Variants in NYNRIN observed in about 807,000 individuals in gnomAD.
NYNRIN encodes the protein NYN domain and retroviral integrase containing.
In NYNRIN, 86 loss-of-function variants were observed where a neutral mutation model predicts 146.6. That is an observed-to-expected ratio of 0.59 (90% CI 0.49 to 0.70). The LOEUF (loss-of-function observed/expected upper bound fraction) is 0.70, where lower values mean the gene tolerates loss of function less well. Ranked by LOEUF, NYNRIN falls within the 30% of genes least tolerant of loss-of-function variation. NYNRIN has a pLI of 0.00. For missense variants in NYNRIN, 2,191 were observed against 2,377.7 expected (o/e 0.92, Z 1.63); for synonymous variants, 1,027 against 1,001.3 (o/e 1.03, Z -0.48).
At position 24,415,039 on chromosome 14, in the gene NYNRIN, T is replaced by A; in HGVS notation, c.3290T>A (p.Phe1097Tyr). The change falls in exon 9 of 9, where the codon TTC becomes TAC. Residue 1097 changes from phenylalanine (F) to tyrosine (Y), a missense_variant. Coordinates refer to ENST00000382554, the MANE Select transcript of NYNRIN (RefSeq NM_025081.3). ...IPSNFTALSF[F>Y]MGFMDSHRDA... Reference sequence around the variant, plus strand: ...AGCAACTTCACCGCACTCTCCTTCTTCATGGGCTTCATGGACTCCCACAGG... The same window carrying A: ...AGCAACTTCACCGCACTCTCCTTCTACATGGGCTTCATGGACTCCCACAGG... 1 of 1,611,948 alleles carries A rather than the reference T, an allele frequency of 6.2e-7. No homozygotes were observed. The highest frequency in any genetic ancestry group is 8.5e-7 in the Non-Finnish European group (1 of 1,178,660).
chr14:24,417,768 A>T lies in NYNRIN; in HGVS notation c.*322A>T, dbSNP rs2042958680. 3.7e-6 allele frequency: 1 copy of T among 273,406 alleles called. No homozygotes were observed. Among genetic ancestry groups the T allele is most frequent in the African/African-American group, 2.2e-5 (1 of 45,314 alleles). The allele number at this position is 273,406 out of a possible 1,614,324, so 16.9% of individuals were successfully genotyped here. On this transcript the variant is annotated 3_prime_UTR_variant, in exon 9 of 9. Transcript: ENST00000382554. ...CCCAAGTATCCTCTTTCCCCTTCAC[A>T]TGTAGGTGTGTGGTGGTGTGCACAC...
At chr14:24,400,544 C>T (rs1016606636) in intron 2 of NYNRIN, among the ~76,000 whole-genome samples, 1 of 152,144 alleles carries the variant, frequency 6.6e-6, no homozygotes, top group African/African-American at 2.4e-5. Context: ...GAAGTTCCTC[C>T]CTCAACCCCT....
chr14:24,410,060 C>G lies in NYNRIN; in HGVS notation c.2266C>G (p.Pro756Ala). The G allele has an allele frequency of 1.2e-6, 2 of 1,613,944 alleles. No individual in the cohort carries two copies. Among genetic ancestry groups the G allele is most frequent in the South Asian group, 1.1e-5 (1 of 91,086 alleles). The change falls in exon 4 of 9, where the codon CCT becomes GCT. Residue 756 changes from proline (P) to alanine (A), a missense_variant. Transcript: ENST00000382554. Reference protein sequence around the residue: ...GAWEGAPRQPPRHLQANSTVT... With the variant: ...GAWEGAPRQPARHLQANSTVT... ...TTGGGAGGGGGCCCCAAGGCAGCCA[C>G]CTCGCCACCTGCAAGCGAACAGCAC...
Position 24,417,851 on chromosome 14 carries a change from G to T in NYNRIN, c.*405G>T. The T allele has an allele frequency of 5.0e-6, 1 of 198,866 alleles. No homozygotes were observed. The highest frequency in any genetic ancestry group is 1.0e-5 in the Non-Finnish European group (1 of 97,000). The allele number at this position is 198,866 out of a possible 1,614,324, so 12.3% of individuals were successfully genotyped here. A position where few individuals can be genotyped will look rare whatever the true frequency, so the allele number is the denominator to read the frequency against. Reference sequence around the variant, plus strand: ...ACTGTGGCTGTTGACCTTGGAATTGGAACCACAGTCCTTTCCCATACAGAA... The same window carrying T: ...ACTGTGGCTGTTGACCTTGGAATTGTAACCACAGTCCTTTCCCATACAGAA... On this transcript the variant is annotated 3_prime_UTR_variant, in exon 9 of 9. Coordinates refer to ENST00000382554, the MANE Select transcript of NYNRIN (RefSeq NM_025081.3).
At position 24,409,324 on chromosome 14, in the gene NYNRIN, G is replaced by A; in HGVS notation, c.1530G>A (p.Glu510=). 1 of 1,614,084 alleles carries A rather than the reference G, an allele frequency of 6.2e-7. No individual in the cohort carries two copies. Among genetic ancestry groups the A allele is most frequent in the Non-Finnish European group, 8.5e-7 (1 of 1,179,904 alleles). Residue 510 remains glutamate (E), a synonymous_variant, in exon 4 of 9, where the codon GAG becomes GAA. Transcript: ENST00000382554. ...AGTTAGATTTTAAGGGACTGGAAGAGGGACCCGCTCCAGTGCTGCCAACAG... is the reference window on the plus strand; with the variant it reads ...AGTTAGATTTTAAGGGACTGGAAGAAGGACCCGCTCCAGTGCTGCCAACAG... ...SMQLDFKGLE[E]GPAPVLPTGQ... is the part of the protein sequence containing the mutation.
chr14:24,412,283 C>T (rs368876995), intron 6 of NYNRIN, among the ~76,000 whole-genome samples: 2 of 152,150 alleles, frequency 1.3e-5, no homozygotes, highest in South Asian at 4.1e-4. Flanking sequence ...TTTCCGCAGA[C>T]CGTCCCTCTG....
At chr14:24,402,779 T>C (rs1182306973) in intron 2 of NYNRIN, among the ~76,000 whole-genome samples, 1 of 152,224 alleles carries the variant, frequency 6.6e-6, no homozygotes, top group Non-Finnish European at 1.5e-5. Context: ...TTGTGGGCAC[T>C]GAATACTTCT....
rs1364845353 is a variant in NYNRIN, at chr14:24,409,878, A to G, written c.2084A>G (p.Asp695Gly). The change falls in exon 4 of 9, where the codon GAT (aspartate) becomes GGT (glycine). Residue 695 changes from aspartate (D) to glycine (G), a missense_variant. Physicochemically the swap from Asp to Gly is moderately conservative, Grantham distance 94. This residue lies in a region of NYNRIN where 895 missense variants were observed against 941.2 expected (regional missense o/e 0.95). Transcript: ENST00000382554. ...KVPTDAGPTL[D>G]VARLLSEVQP... Reference sequence around the variant, plus strand: ...CCCACGGATGCAGGGCCAACCTTGGATGTAGCCAGACTTCTGAGTGAGGTC... The same window carrying G: ...CCCACGGATGCAGGGCCAACCTTGGGTGTAGCCAGACTTCTGAGTGAGGTC... The G allele has an allele frequency of 6.2e-7, 1 of 1,613,486 alleles. No homozygotes were observed. The highest frequency in any genetic ancestry group is 2.2e-5 in the East Asian group (1 of 44,874).
chr14:24,409,638 C>A lies in NYNRIN; in HGVS notation c.1844C>A (p.Ala615Asp). Reference sequence around the variant, plus strand: ...GTTGTGAATCAACCAGTGTTGGTAGCTCAAGTGGAACCCACAACTCCAAAA... The same window carrying A: ...GTTGTGAATCAACCAGTGTTGGTAGATCAAGTGGAACCCACAACTCCAAAA... ...KTVVNQPVLV[A>D]QVEPTTPKTP... is the part of the protein sequence containing the mutation. The change falls in exon 4 of 9, where the codon GCT (alanine) becomes GAT (aspartate). Residue 615 changes from alanine to aspartate, a missense_variant. Coordinates refer to ENST00000382554, the MANE Select transcript of NYNRIN (RefSeq NM_025081.3). The A allele has an allele frequency of 6.2e-7, 1 of 1,607,322 alleles. No homozygotes were observed. The highest frequency in any genetic ancestry group is 8.5e-7 in the Non-Finnish European group (1 of 1,176,844).
intron 6 of NYNRIN, chr14:24,412,580 T>C (rs962894766): frequency 5.4e-6 from 1 of 185,020 alleles, no homozygotes; most frequent in African/African-American, 2.4e-5. Context: ...CACTTAAAAG[T>C]ATTATCTCAT....
In NYNRIN at chr14:24,408,599, G is replaced by A. The variant is rs905276001; in HGVS notation, c.858-53G>A. 7 of 1,542,228 alleles carry A rather than the reference G, an allele frequency of 4.5e-6. No individual in the cohort carries two copies. In the Admixed American group the frequency reaches 1.2e-4, roughly 27 times the overall value. On this transcript the variant is annotated intron_variant, in intron 3 of 8. Transcript: ENST00000382554. ...CCCCTACCCTAAGGAAATAGTAATA[G>A]TTTGGGACCAAACTGGCCTTCCACC...
chr14:24,412,159 G>A (rs1383078868), intron 6 of NYNRIN, among the ~76,000 whole-genome samples: 1 of 152,208 alleles, frequency 6.6e-6, no homozygotes. Flanking sequence ...CACCCAACCA[G>A]GCCTGGGAAG....
At position 24,414,879 on chromosome 14, in the gene NYNRIN, C is replaced by T. The variant is rs1324907843; in HGVS notation, c.3130C>T (p.Leu1044Phe). Residue 1044 changes from leucine to phenylalanine, a missense_variant, in exon 9 of 9, where the codon CTC becomes TTC. Physicochemically the swap from Leu to Phe is conservative, Grantham distance 22. Coordinates refer to ENST00000382554, the MANE Select transcript of NYNRIN (RefSeq NM_025081.3). ...GGAGGAGATCCTGCGGTGCCTCAGC[C>T]TCCATGATCCCCCTGATGGGGCCCT... ...LSEEILRCLS[L>F]HDPPDGALDI... 5.0e-6 allele frequency: 8 copies of T among 1,609,776 alleles called. No homozygotes were observed. The highest frequency in any genetic ancestry group is 6.8e-6 in the Non-Finnish European group (8 of 1,176,694).
rs563197563 is a variant in NYNRIN at position 24,411,280 on chromosome 14, C to G, written c.2545+74C>G. ...TTCTCTCTGCCTTGCTGCCCCGACC[C>G]TCTGCCACCCCAGAGTGGCCATTTC... On this transcript the variant is annotated intron_variant, in intron 5 of 8. Coordinates refer to ENST00000382554, the MANE Select transcript of NYNRIN (RefSeq NM_025081.3). This position sits in a 1 kb window ranked among gnomAD's most constrained non-coding sequence, Gnocchi z 4.3. The G allele has an allele frequency of 5.0e-6, 8 of 1,612,262 alleles. No homozygotes were observed. The highest frequency in any genetic ancestry group is 6.8e-6 in the Non-Finnish European group (8 of 1,178,726).
In NYNRIN at chr14:24,417,220, A is replaced by T. The variant is rs2042954307; in HGVS notation, c.5471A>T (p.Lys1824Met). The change falls in exon 9 of 9, where the codon AAG becomes ATG. Residue 1824 changes from lysine (K) to methionine (M), a missense_variant. Around this residue, in one of 3 missense-constraint regions of NYNRIN, gnomAD observed 1,291 missense variants for 1,417.0 expected, o/e 0.91. Transcript: ENST00000382554. ...CGTTTCAAGCGGGAGAGCCAGGAGA[A>T]GGAGTGGAATGTGGGTGACCAGGTC... ...NRRFKRESQEKEWNVGDQVLL... is the reference protein window; with the variant it reads ...NRRFKRESQEMEWNVGDQVLL... 1.2e-6 allele frequency: 2 copies of T among 1,614,052 alleles called. No homozygotes were observed. Among genetic ancestry groups the T allele is most frequent in the East Asian group, 4.5e-5 (2 of 44,880 alleles).
Position 24,406,247 on chromosome 14 carries a change from A to AAAAT in NYNRIN, c.199-1620_199-1617dup, listed in dbSNP as rs1471564698. On this transcript the variant is annotated intron_variant, in intron 2 of 8. Coordinates refer to ENST00000382554, the MANE Select transcript of NYNRIN (RefSeq NM_025081.3). ...AAAATAAAATAAAATAAAATAAAAT[A>AAAAT]AAATATTGGACAGTTGATGGAACCA... Among the ~76,000 whole-genome samples, 573 of 151,152 alleles carry AAAAT rather than the reference A, an allele frequency of 3.8e-3. 6 individuals are homozygous for AAAAT. The highest frequency in any genetic ancestry group is 0.013 in the African/African-American group (536 of 41,196).
rs140934159 is a variant in NYNRIN, at chr14:24,418,656, G to A, written c.*1210G>A. On this transcript the variant is annotated 3_prime_UTR_variant, in exon 9 of 9. Coordinates refer to ENST00000382554, the MANE Select transcript of NYNRIN (RefSeq NM_025081.3). ...GGCTCCAGGTGAAGGCCAGTGCCAC[G>A]TCACTCTGGCTGGCCTTCTTAGTAG... 1.6e-3 allele frequency: 267 copies of A among 165,190 alleles called. No homozygotes were observed. Among genetic ancestry groups the A allele is most frequent in the African/African-American group, 6.1e-3 (254 of 41,638 alleles). 10.2% of individuals were successfully genotyped at this position (165,190 alleles called of 1,614,324 possible). A position where few individuals can be genotyped will look rare whatever the true frequency, so the allele number is the denominator to read the frequency against.
chr14:24,401,869 A>C (rs2042845829), intron 2 of NYNRIN, among the ~76,000 whole-genome samples: 1 of 152,230 alleles, frequency 6.6e-6, no homozygotes, highest in African/African-American at 2.4e-5. Flanking sequence ...TGACACATGA[A>C]CATTTCCCAA....
In NYNRIN at chr14:24,416,683, G is replaced by A. The variant is rs746145131; in HGVS notation, c.4934G>A (p.Trp1645Ter). The change falls in exon 9 of 9, where the codon TGG becomes TAG. Residue 1645 changes from tryptophan (W) to a stop codon, truncating the protein, a stop_gained. Coordinates refer to ENST00000382554, the MANE Select transcript of NYNRIN (RefSeq NM_025081.3). LOFTEE classifies it high-confidence loss of function. Reference sequence around the variant, plus strand: ...ATTGTGGCTGACCCAAACACCAGGTGGGTGGAGGCATTCCCCCTGAAGCCC... The same window carrying A: ...ATTGTGGCTGACCCAAACACCAGGTAGGTGGAGGCATTCCCCCTGAAGCCC... Reference protein sequence around the residue: ...VLIVADPNTRWVEAFPLKPYT... With the variant: ...VLIVADPNTR The A allele has an allele frequency of 6.2e-7, 1 of 1,613,948 alleles. No homozygotes were observed. The highest frequency in any genetic ancestry group is 1.7e-5 in the Admixed American group (1 of 60,034).
Sources: gnomAD v4.1 joint callset for allele counts (sites outside exome capture counted in the v4.1 genomes callset) on GRCh38, gnomAD v4.1.1 for gene constraint, gnomAD v4.1.1 regional missense constraint, Gnocchi (gnomAD v3.1) non-coding constraint, MANE v1.5 for transcripts, NCBI Gene and HGNC (gene_info 2026-07-23, HGNC 2026-07-21) for gene names.